The following DPYD variants were observed in gnomAD, a reference collection of about 807,000 sequenced individuals.
DPYD encodes dihydropyrimidine dehydrogenase.
Under a neutral mutation model 116.2 loss-of-function variants are expected in DPYD, and 109 were observed. The ratio of observed to expected loss-of-function variants is 0.94; its 90% confidence interval spans 0.80 to 1.10. DPYD has a LOEUF of 1.10. Ranked by LOEUF, DPYD falls within the 50% of genes least tolerant of loss-of-function variation. The pLI is 0.00. For missense variants in DPYD, 1,302 were observed against 1,254.5 expected, an observed-to-expected ratio of 1.04 and a Z score of -0.57; for synonymous variants, 440 against 432.0, an observed-to-expected ratio of 1.02 and a Z score of -0.23.
At chr1:97,539,174 T>C (rs937059459) in intron 12 of DPYD, among the ~76,000 whole-genome samples, 2 of 152,138 alleles carry the variant, frequency 1.3e-5, no homozygotes, top group African/African-American at 4.8e-5. Flanking sequence ...ATAAACAATA[T>C]TCTATAACTA....
intron 10 of DPYD, among the ~76,000 whole-genome samples, chr1:97,582,504 C>T (rs1351007073): frequency 6.6e-6 from 1 of 152,112 alleles, no homozygotes; most frequent in African/African-American, 2.4e-5. Context: ...CTTTAATTTA[C>T]TAAACAGTTT....
intron 20 of DPYD, among the ~76,000 whole-genome samples, chr1:97,137,103 G>T (rs1432280492): frequency 1.3e-5 from 2 of 152,118 alleles, no homozygotes; most frequent in Non-Finnish European, 2.9e-5. Context: ...TTGTTCATCG[G>T]CTGGTGCTGT....
At chr1:97,119,214 T>G (rs1437709352) in intron 20 of DPYD, among the ~76,000 whole-genome samples, 2 of 152,162 alleles carry the variant, frequency 1.3e-5, no homozygotes, top group Non-Finnish European at 2.9e-5. Flanking sequence ...AGAAGTGAAT[T>G]TTTAGGCCAT....
intron 12 of DPYD, chr1:97,546,597 T>C (rs1179815842): frequency 7.5e-6 from 12 of 1,609,924 alleles, no homozygotes; most frequent in Admixed American, 1.7e-5. Context: ...ATCCTGTGTA[T>C]AGCCTTTACT....
intron 11 of DPYD, among the ~76,000 whole-genome samples, chr1:97,553,125 G>GATCATT (rs1482519566): frequency 1.3e-5 from 2 of 151,796 alleles, no homozygotes; most frequent in Non-Finnish European, 2.9e-5. Flanking sequence ...AAATGGTTAG[G>GATCATT]ATCATTTCCT....
At chr1:97,386,247 T>C (rs1672338731) in intron 14 of DPYD, among the ~76,000 whole-genome samples, 1 of 151,624 alleles carries the variant, frequency 6.6e-6, no homozygotes, top group Non-Finnish European at 1.5e-5. Context: ...ACTCTGCTTC[T>C]ATCAAAATCC....
At chr1:97,641,744 G>C (rs577584449) in intron 8 of DPYD, among the ~76,000 whole-genome samples, 1 of 152,226 alleles carries the variant, frequency 6.6e-6, no homozygotes, top group African/African-American at 2.4e-5. Context: ...TGGAAGTTCT[G>C]GCCAGGGCAA....
At chr1:97,107,655 G>C (rs911988827) in intron 20 of DPYD, among the ~76,000 whole-genome samples, 1 of 152,134 alleles carries the variant, frequency 6.6e-6, no homozygotes, top group Admixed American at 6.5e-5. Flanking sequence ...GAATATCCAT[G>C]AGTTGGGTAT....
chr1:97,317,408 T>C (rs1362526792), intron 16 of DPYD, among the ~76,000 whole-genome samples: 1 of 151,880 alleles, frequency 6.6e-6, no homozygotes, highest in Non-Finnish European at 1.5e-5. Flanking sequence ...GGTTATGAAA[T>C]ATAGGCAGCT....
At position 97,868,997 on chromosome 1, in the gene DPYD, C is replaced by T. The variant is rs534610604; in HGVS notation, c.150+14267G>A. Among the ~76,000 whole-genome samples, 3 of 151,954 alleles carry T rather than the reference C, an allele frequency of 2.0e-5. No homozygotes were observed. The East Asian group carries it at 5.8e-4, about 29-fold the overall frequency. ...ACAAAGCCATGAGAAACCTGCGCAGCTTCTTTTTCTATGACTGCCTCTATC... is the reference window on the plus strand; with the variant it reads ...ACAAAGCCATGAGAAACCTGCGCAGTTTCTTTTTCTATGACTGCCTCTATC... On this transcript the variant is annotated intron_variant, in intron 2 of 22. Transcript: ENST00000370192.
At chr1:97,365,005 CT>C (rs1203387388) in intron 16 of DPYD, among the ~76,000 whole-genome samples, 2 of 152,052 alleles carry the variant, frequency 1.3e-5, no homozygotes, top group African/African-American at 4.8e-5. Context: ...GTAGAAGTAC[CT>C]TAATTTTAAG....
At chr1:97,666,544 T>C (rs976400378) in intron 8 of DPYD, among the ~76,000 whole-genome samples, 1 of 152,164 alleles carries the variant, frequency 6.6e-6, no homozygotes, top group African/African-American at 2.4e-5. Context: ...ATTGAAGATG[T>C]ACTTTAAAAG....
At chr1:97,210,003 A>C (rs1035192912) in intron 19 of DPYD, among the ~76,000 whole-genome samples, 12 of 152,088 alleles carry the variant, frequency 7.9e-5, no homozygotes, top group African/African-American at 2.9e-4. Flanking sequence ...CTTTCTTCTG[A>C]TTATGTGGGG....
intron 3 of DPYD, among the ~76,000 whole-genome samples, chr1:97,762,757 T>A (rs1172688614): frequency 6.6e-6 from 1 of 152,128 alleles, no homozygotes; most frequent in Non-Finnish European, 1.5e-5. Context: ...CAATTTGTTT[T>A]AAGCATAGCA....
intron 13 of DPYD, among the ~76,000 whole-genome samples, chr1:97,514,769 T>C (rs1648080720): frequency 6.6e-6 from 1 of 151,828 alleles, no homozygotes; most frequent in East Asian, 1.9e-4. Context: ...ACTTACACAT[T>C]GCATCTTGTA....
chr1:97,212,095 G>A (rs765890768), intron 19 of DPYD, among the ~76,000 whole-genome samples: 3 of 149,330 alleles, frequency 2.0e-5, no homozygotes, highest in East Asian at 4.0e-4. Context: ...CATAAAACTC[G>A]CCCACTATAC....
rs114333856 is a variant in DPYD, at chr1:97,281,834, G to A, written c.2299+23425C>T. Among the ~76,000 whole-genome samples the A allele has an allele frequency of 7.0e-3, 1,064 of 152,082 alleles. 22 individuals are homozygous for A. The highest frequency in any genetic ancestry group is 0.024 in the African/African-American group (1,002 of 41,518). On this transcript the variant is annotated intron_variant, in intron 18 of 22. Coordinates refer to ENST00000370192, the MANE Select transcript of DPYD (RefSeq NM_000110.4). ...GATGTATAACAAAGTGCAATATCATGAGTAGGGTATAAAATTATCTACCTC... is the reference window on the plus strand; with the variant it reads ...GATGTATAACAAAGTGCAATATCATAAGTAGGGTATAAAATTATCTACCTC...
intron 5 of DPYD, among the ~76,000 whole-genome samples, chr1:97,715,763 CTG>C (rs1473294926): frequency 6.6e-6 from 1 of 152,076 alleles, no homozygotes; most frequent in Non-Finnish European, 1.5e-5. Context: ...TTTTTGATGA[CTG>C]TTTTTAATAC....
chr1:97,401,259 G>A (rs1226018397), intron 14 of DPYD, among the ~76,000 whole-genome samples: 2 of 152,020 alleles, frequency 1.3e-5, no homozygotes, highest in African/African-American at 4.8e-5. Flanking sequence ...CTCCCAGTCG[G>A]TGGCTTGTCT....
Sources: gnomAD v4.1 joint callset for allele counts (sites outside exome capture counted in the v4.1 genomes callset) on GRCh38, gnomAD v4.1.1 for gene constraint, MANE v1.5 for transcripts, NCBI Gene and HGNC (gene_info 2026-07-23, HGNC 2026-07-21) for gene names.